Variants in RERE observed in about 807,000 individuals in gnomAD.
RERE encodes the protein arginine-glutamic acid dipeptide repeats protein.
RERE carries 40 observed loss-of-function variants against 146.1 expected under a neutral mutation model. That is an observed-to-expected ratio of 0.27 (90% confidence interval 0.21 to 0.36). The LOEUF (loss-of-function observed/expected upper bound fraction) is 0.36, where lower values mean the gene tolerates loss of function less well. Ranked by LOEUF, RERE falls within the 10% of genes least tolerant of loss-of-function variation. RERE has a pLI of 1.00. For missense variants in RERE, 1,933 were observed against 2,138.7 expected (o/e 0.90, Z 1.90); for synonymous variants, 1,003 against 866.0 (o/e 1.16, Z -2.78).
At chr1:8,453,958 AAC>A (rs1354542851) in intron 11 of RERE, among the ~76,000 whole-genome samples, 2 of 152,216 alleles carry the variant, frequency 1.3e-5, no homozygotes, top group African/African-American at 4.8e-5. Flanking sequence ...CTGTTTGGAA[AAC>A]AGTTTATTAG....
intron 11 of RERE, among the ~76,000 whole-genome samples, chr1:8,452,795 T>G (rs961000451): frequency 1.3e-5 from 2 of 152,206 alleles, no homozygotes; most frequent in Non-Finnish European, 2.9e-5. Flanking sequence ...GTAAATTTAA[T>G]TATCCAGAAA....
intron 1 of RERE, among the ~76,000 whole-genome samples, chr1:8,671,564 A>C (rs527250258): frequency 1.6e-3 from 251 of 152,200 alleles, no homozygotes; most frequent in Admixed American, 2.9e-3. Context: ...TGGGCTAACG[A>C]ATTAAGGAAG....
intron 7 of RERE, among the ~76,000 whole-genome samples, chr1:8,540,612 T>C (rs1176296111): frequency 6.6e-6 from 1 of 152,230 alleles, no homozygotes; most frequent in African/African-American, 2.4e-5. Context: ...GTAGCATCTA[T>C]GACAGACATA....
chr1:8,409,444 G>C (rs1643551891), intron 12 of RERE, among the ~76,000 whole-genome samples: 1 of 152,216 alleles, frequency 6.6e-6, no homozygotes, highest in Admixed American at 6.5e-5. Flanking sequence ...GAGCAGCACT[G>C]TTTTGGGGAG....
At chr1:8,744,844 A>G (rs1355625251) in intron 1 of RERE, among the ~76,000 whole-genome samples, 4 of 152,238 alleles carry the variant, frequency 2.6e-5, no homozygotes, top group Non-Finnish European at 4.4e-5. Context: ...TAATGGAGAC[A>G]AATGCCCATA....
chr1:8,746,323 C>T (rs1460974759), intron 1 of RERE, among the ~76,000 whole-genome samples: 1 of 152,040 alleles, frequency 6.6e-6, no homozygotes, highest in Non-Finnish European at 1.5e-5. Context: ...ATATGGGGAC[C>T]TAATAACATG....
chr1:8,561,387 A>C (rs1385523797), intron 4 of RERE, among the ~76,000 whole-genome samples: 3 of 152,230 alleles, frequency 2.0e-5, no homozygotes, highest in Admixed American at 2.0e-4. Context: ...ACTTAATTAA[A>C]AATGAAAAGT....
chr1:8,734,563 C>T (rs562052463), intron 1 of RERE, among the ~76,000 whole-genome samples: 1 of 152,290 alleles, frequency 6.6e-6, no homozygotes, highest in African/African-American at 2.4e-5. Flanking sequence ...CTTTGCAAGA[C>T]CTTGGATAAG....
In RERE at chr1:8,715,541, C is replaced by A. The variant is rs1474769119; in HGVS notation, c.-144-59100G>T. The stretch of plus-strand genomic sequence containing the variant: ...ATAATAATAATATAAACATTCAATA[C>A]TGATTTAACCACAAATGGTGATATT... On this transcript the variant is annotated intron_variant, in intron 1 of 22. Coordinates refer to ENST00000400908, the MANE Select transcript of RERE (RefSeq NM_001042681.2). Among the ~76,000 whole-genome samples the A allele has an allele frequency of 3.3e-5, 5 of 151,768 alleles. No individual in the cohort carries two copies. The East Asian group carries it at 9.7e-4, about 29-fold the overall frequency.
intron 4 of RERE, among the ~76,000 whole-genome samples, chr1:8,609,617 T>C (rs1450689926): frequency 6.6e-6 from 1 of 152,166 alleles, no homozygotes; most frequent in Non-Finnish European, 1.5e-5. Context: ...AAAAGCAATA[T>C]AGCCTCTCTA....
chr1:8,637,915 T>C (rs948842022), intron 2 of RERE, among the ~76,000 whole-genome samples: 1 of 152,224 alleles, frequency 6.6e-6, no homozygotes, highest in Admixed American at 6.5e-5. Flanking sequence ...CTTAGGAAAG[T>C]GAGCTGAAAT....
At chr1:8,526,763 A>T (rs1410519490) in intron 7 of RERE, among the ~76,000 whole-genome samples, 1 of 152,222 alleles carries the variant, frequency 6.6e-6, no homozygotes, top group Non-Finnish European at 1.5e-5. Context: ...AAGATTCAAC[A>T]TCGTGCCACA....
rs1557613523 is a variant in RERE, at chr1:8,403,824, G to GTTTTTT, written c.1284+18902_1284+18903insAAAAAA. Among the ~76,000 whole-genome samples, 27 of 57,786 alleles carry GTTTTTT rather than the reference G, an allele frequency of 4.7e-4. 1 individual carries two copies. The highest frequency in any genetic ancestry group is 7.0e-4 in the Non-Finnish European group (20 of 28,668). 37.9% of individuals were successfully genotyped at this position (57,786 alleles called of 152,430 possible). A position where few individuals can be genotyped will look rare whatever the true frequency, so the allele number is the denominator to read the frequency against. On this transcript the variant is annotated intron_variant, in intron 12 of 22. Transcript: ENST00000400908. Reference sequence around the variant, plus strand: ...TTCTATTTTTCTTAATAAAATCTTAGCTTTTTTTTTTTTTTTTTTTTTTTG... The same window carrying GTTTTTT: ...TTCTATTTTTCTTAATAAAATCTTAGTTTTTTCTTTTTTTTTTTTTTTTTTTTTTTG...
At chr1:8,733,191 G>A (rs1159829750) in intron 1 of RERE, among the ~76,000 whole-genome samples, 2 of 150,708 alleles carry the variant, frequency 1.3e-5, no homozygotes, top group South Asian at 2.1e-4. Flanking sequence ...GAGAGAGAGA[G>A]TGAGTGTTGG....
intron 1 of RERE, among the ~76,000 whole-genome samples, chr1:8,713,139 G>A (rs1639700722): frequency 6.6e-6 from 1 of 152,122 alleles, no homozygotes; most frequent in Admixed American, 6.5e-5. Context: ...ACTGGAGGAG[G>A]AACAGTTTGT....
intron 6 of RERE, among the ~76,000 whole-genome samples, chr1:8,543,545 GAA>G (rs1371898414): frequency 6.6e-6 from 1 of 152,280 alleles, no homozygotes; most frequent in South Asian, 2.1e-4. Flanking sequence ...TAAAGGTAAA[GAA>G]AACCCTTAAC....
chr1:8,601,453 G>C (rs1213867914), intron 4 of RERE, among the ~76,000 whole-genome samples: 1 of 152,052 alleles, frequency 6.6e-6, no homozygotes, highest in Non-Finnish European at 1.5e-5. Context: ...GGGAGTGGGG[G>C]GTACAGACCA....
At chr1:8,508,073 T>G (rs1311849462) in intron 8 of RERE, among the ~76,000 whole-genome samples, 1 of 152,168 alleles carries the variant, frequency 6.6e-6, no homozygotes, top group Admixed American at 6.5e-5. Context: ...TGTGATCAAG[T>G]GTTCATCAAT....
intron 11 of RERE, among the ~76,000 whole-genome samples, chr1:8,428,172 A>G (rs185707644): frequency 2.8e-3 from 420 of 152,318 alleles, no homozygotes; most frequent in African/African-American, 9.6e-3. Flanking sequence ...GGAAATATAG[A>G]AGGCAAGTCA....
Sources: allele counts gnomAD v4.1 joint callset (sites outside exome capture counted in the v4.1 genomes callset), GRCh38; gene constraint gnomAD v4.1.1; transcripts MANE v1.5; gene names NCBI Gene and HGNC (gene_info 2026-07-23, HGNC 2026-07-21).